The following GRAMD1B variants were observed in gnomAD, a reference collection of about 807,000 sequenced individuals.
GRAMD1B encodes the protein protein Aster-B.
GRAMD1B carries 37 observed loss-of-function variants against 99.7 expected under a neutral mutation model. That is an observed-to-expected ratio of 0.37 (90% CI 0.29 to 0.49). The LOEUF (loss-of-function observed/expected upper bound fraction) is 0.49. Ranked by LOEUF, GRAMD1B falls within the 20% of genes least tolerant of loss-of-function variation. The probability of loss-of-function intolerance (pLI) is 0.98; values close to 1 mark genes in which losing one functional copy is unlikely to be tolerated. For synonymous variants in GRAMD1B, 427 were observed against 387.6 expected, an observed-to-expected ratio of 1.10 and a Z score of -1.19; for missense variants, 888 against 1,009.2, an observed-to-expected ratio of 0.88 and a Z score of 1.63.
At chr11:123,544,536 C>T (rs576956368) in intron 2 of GRAMD1B, among the ~76,000 whole-genome samples, 1 of 152,316 alleles carries the variant, frequency 6.6e-6, no homozygotes, top group South Asian at 2.1e-4. Context: ...TGACCCCACC[C>T]CTCCTCCTGT....
intron 1 of GRAMD1B, among the ~76,000 whole-genome samples, chr11:123,423,259 C>CAT (rs1386753248): frequency 1.3e-5 from 2 of 151,116 alleles, no homozygotes; most frequent in African/African-American, 4.9e-5. Context: ...CACACACACA[C>CAT]ACACACAGAT....
chr11:123,430,772 A>G lies in GRAMD1B; in HGVS notation c.-21A>G. 1 of 653,868 alleles carries G rather than the reference A, an allele frequency of 1.5e-6. No homozygotes were observed. Among genetic ancestry groups the G allele is most frequent in the Non-Finnish European group, 2.7e-6 (1 of 363,952 alleles). The allele number at this position is 653,868 out of a possible 1,614,324, so 40.5% of individuals were successfully genotyped here. A position where few individuals can be genotyped will look rare whatever the true frequency, so the allele number is the denominator to read the frequency against. Reference sequence around the variant, plus strand: ...GGCCGCTGGCGGAGGGCTCAGGGGGAGCGCAGAGGCGACGGCCCCCATGCC... The same window carrying G: ...GGCCGCTGGCGGAGGGCTCAGGGGGGGCGCAGAGGCGACGGCCCCCATGCC... On this transcript the variant is annotated 5_prime_UTR_variant, in exon 1 of 20. Transcript: ENST00000635736.
chr11:123,513,620 T>TCC (rs71060512), intron 2 of GRAMD1B, among the ~76,000 whole-genome samples: 2,172 of 126,612 alleles, frequency 0.017, 70 homozygotes, highest in African/African-American at 0.046. Flanking sequence ...CTTCCTTCCT[T>TCC]TCTTTCTTTC....
At chr11:123,416,569 A>G (rs1301637622) in intron 1 of GRAMD1B, among the ~76,000 whole-genome samples, 2 of 152,224 alleles carry the variant, frequency 1.3e-5, no homozygotes. Flanking sequence ...TTCTGTGTGT[A>G]TGAGTAGGGA....
intron 2 of GRAMD1B, among the ~76,000 whole-genome samples, chr11:123,516,926 G>C (rs1268531570): frequency 6.6e-6 from 1 of 152,110 alleles, no homozygotes; most frequent in African/African-American, 2.4e-5. Flanking sequence ...CCATAAGTAT[G>C]GTTCTGTTTT....
intron 1 of GRAMD1B, among the ~76,000 whole-genome samples, chr11:123,423,505 T>C (rs1333157908): frequency 6.6e-6 from 1 of 152,198 alleles, no homozygotes; most frequent in Non-Finnish European, 1.5e-5. Context: ...GACTAATTTC[T>C]GGAAAGGGCA....
At chr11:123,524,294 C>G (rs563597052) in intron 2 of GRAMD1B, among the ~76,000 whole-genome samples, 3 of 113,624 alleles carry the variant, frequency 2.6e-5, no homozygotes, top group African/African-American at 8.3e-5. Flanking sequence ...CTGTTACCAA[C>G]GAGGGTCTGC....
chr11:123,495,529 C>T (rs925513829), intron 2 of GRAMD1B, among the ~76,000 whole-genome samples: 1 of 152,070 alleles, frequency 6.6e-6, no homozygotes, highest in Non-Finnish European at 1.5e-5. Flanking sequence ...TTTCTGTACC[C>T]ATTGATCAGC....
Position 123,605,477 on chromosome 11 carries a change from C to T in GRAMD1B, c.1322C>T (p.Ser441Leu), listed in dbSNP as rs759398423. The part of the protein sequence containing the change: ...TSTGSSEAPV[S>L]FDGLPLEEEA... The stretch of plus-strand genomic sequence containing the variant: ...ACAGGGAGCAGTGAGGCCCCCGTCT[C>T]GGTATGGGCAGTCAGCCTTTGACTT... Residue 441 changes from serine (S) to leucine (L), a missense_variant and splice_region_variant, in exon 10 of 20, where the codon TCG (serine) becomes TTG (leucine). By Grantham distance (145) the Ser-to-Leu change is moderately radical. This residue lies in a region of GRAMD1B where 269 missense variants were observed against 296.6 expected (regional missense o/e 0.91). Coordinates refer to ENST00000635736, the MANE Select transcript of GRAMD1B (RefSeq NM_001387025.1). The T allele has an allele frequency of 5.0e-6, 8 of 1,607,746 alleles. No individual in the cohort carries two copies. Among genetic ancestry groups the T allele is most frequent in the African/African-American group, 4.0e-5 (3 of 74,876 alleles).
chr11:123,435,619 G>C (rs1289700923), intron 1 of GRAMD1B: 2 of 581,724 alleles, frequency 3.4e-6, no homozygotes, highest in Non-Finnish European at 6.1e-6. Context: ...TATCGTCACA[G>C]CACTGTACCT....
intron 2 of GRAMD1B, among the ~76,000 whole-genome samples, chr11:123,550,278 G>A (rs756172039): frequency 6.6e-6 from 1 of 152,200 alleles, no homozygotes; most frequent in Admixed American, 6.5e-5. Flanking sequence ...ACATGTGGGC[G>A]TGAGGATGGG....
At chr11:123,548,317 T>TACACACACACAC (rs1298307128) in intron 2 of GRAMD1B, among the ~76,000 whole-genome samples, 275 of 96,212 alleles carry the variant, frequency 2.9e-3, no homozygotes, top group Non-Finnish European at 4.0e-3. Flanking sequence ...TATATATATA[T>TACACACACACAC]ATATATATAC....
At chr11:123,431,918 G>C in intron 1 of GRAMD1B, 1 of 394,406 alleles carries the variant, frequency 2.5e-6, no homozygotes, top group Non-Finnish European at 4.5e-6. Flanking sequence ...GCTGCTTCAG[G>C]AAGTTGTGTC....
chr11:123,455,070 TGTTTG>T (rs1162240624), intron 1 of GRAMD1B, among the ~76,000 whole-genome samples: 6 of 152,340 alleles, frequency 3.9e-5, no homozygotes, highest in African/African-American at 9.6e-5. Flanking sequence ...TGACAAGTAT[TGTTTG>T]AATATGTACT....
At chr11:123,608,392 G>C in intron 11 of GRAMD1B, 1 of 1,031,174 alleles carries the variant, frequency 9.7e-7, no homozygotes, top group Admixed American at 2.8e-5. Context: ...AAGTGTAAAA[G>C]CAAATCGTAC....
intron 2 of GRAMD1B, among the ~76,000 whole-genome samples, chr11:123,529,211 A>G (rs1235820002): frequency 4.6e-5 from 7 of 152,246 alleles, no homozygotes; most frequent in Admixed American, 4.6e-4. Flanking sequence ...GTTAAGGGAC[A>G]GATAAGTGCG....
intron 15 of GRAMD1B, 90 bp downstream of exon 15, chr11:123,612,954 A>G (rs1289567959): frequency 2.8e-6 from 2 of 721,752 alleles, no homozygotes; most frequent in Admixed American, 2.4e-5. Context: ...GGTATTGAGA[A>G]TAGAGGCAGA....
chr11:123,521,761 T>G (rs1044919697), intron 2 of GRAMD1B, among the ~76,000 whole-genome samples: 1 of 152,206 alleles, frequency 6.6e-6, no homozygotes, highest in Non-Finnish European at 1.5e-5. Flanking sequence ...ACAGTGAGAG[T>G]GTAGTCCACT....
At chr11:123,488,931 G>GCT (rs1938200791) in intron 2 of GRAMD1B, among the ~76,000 whole-genome samples, 1 of 145,718 alleles carries the variant, frequency 6.9e-6, no homozygotes, top group Non-Finnish European at 1.5e-5. Context: ...AAAATAGTTA[G>GCT]GGGGGGGCGG....
Sources: allele counts gnomAD v4.1 joint callset (sites outside exome capture counted in the v4.1 genomes callset), GRCh38; gene constraint gnomAD v4.1.1; regional missense constraint gnomAD v4.1.1; transcripts MANE v1.5; gene names NCBI Gene and HGNC (gene_info 2026-07-23, HGNC 2026-07-21).